PPM1L: variants seen among roughly 807,000 people sequenced by gnomAD.
PPM1L encodes protein phosphatase 1L.
PPM1L carries 13 observed loss-of-function variants against 31.4 expected under a neutral mutation model. The observed-to-expected ratio is 0.41, with a 90% CI of 0.27 to 0.66. The LOEUF (loss-of-function observed/expected upper bound fraction) is 0.66. Among genes scored for constraint, PPM1L ranks in the 30% least tolerant of loss-of-function variants. PPM1L has a pLI of 0.29. For synonymous variants in PPM1L, 184 were observed against 175.4 expected (o/e 1.05, Z -0.39); for missense variants, 326 against 453.7 (o/e 0.72, Z 2.56).
chr3:160,913,079 G>A (rs968165148), intron 1 of PPM1L, among the ~76,000 whole-genome samples: 3 of 152,004 alleles, frequency 2.0e-5, no homozygotes, highest in African/African-American at 7.2e-5. Context: ...CCATGAAGAT[G>A]GTATATGAAT....
At chr3:160,871,171 T>G (rs542931936) in intron 1 of PPM1L, among the ~76,000 whole-genome samples, 3 of 152,338 alleles carry the variant, frequency 2.0e-5, no homozygotes, top group African/African-American at 7.2e-5. Flanking sequence ...GCTGTTGTAC[T>G]CCAAACTATT....
intron 1 of PPM1L, among the ~76,000 whole-genome samples, chr3:160,795,233 C>T (rs1342251017): frequency 6.6e-6 from 1 of 152,148 alleles, no homozygotes; most frequent in Non-Finnish European, 1.5e-5. Context: ...CAAAGTTTGT[C>T]ATTTTTAAAA....
intron 2 of PPM1L, among the ~76,000 whole-genome samples, chr3:160,966,544 C>A (rs545859003): frequency 6.6e-6 from 1 of 152,180 alleles, no homozygotes; most frequent in Admixed American, 6.6e-5. Context: ...TTTGAAAGTA[C>A]CACTCACTAA....
At chr3:161,007,807 G>A (rs560129219) in intron 2 of PPM1L, among the ~76,000 whole-genome samples, 1 of 152,128 alleles carries the variant, frequency 6.6e-6, no homozygotes, top group Non-Finnish European at 1.5e-5. Flanking sequence ...CATTGGGGAT[G>A]CTGAGCAGAG....
chr3:160,983,529 A>T (rs1486559809), intron 2 of PPM1L, among the ~76,000 whole-genome samples: 1 of 152,214 alleles, frequency 6.6e-6, no homozygotes, highest in East Asian at 1.9e-4. Flanking sequence ...CTAATCTGTA[A>T]ATCCCTGACT....
chr3:160,867,388 C>CT (rs1712131121), intron 1 of PPM1L, among the ~76,000 whole-genome samples: 1 of 146,698 alleles, frequency 6.8e-6, no homozygotes, highest in Admixed American at 6.8e-5. Context: ...TATTACTATC[C>CT]TTTTTTCAGA....
At chr3:160,804,900 G>A (rs1171113694) in intron 1 of PPM1L, among the ~76,000 whole-genome samples, 2 of 152,194 alleles carry the variant, frequency 1.3e-5, no homozygotes, top group Non-Finnish European at 2.9e-5. Context: ...TCACATGTAA[G>A]GGATCTGCCT....
chr3:160,878,839 G>C (rs898103474), intron 1 of PPM1L, among the ~76,000 whole-genome samples: 1 of 152,196 alleles, frequency 6.6e-6, no homozygotes, highest in Admixed American at 6.5e-5. Flanking sequence ...TGCACATTCA[G>C]TTTAATAGGA....
intron 2 of PPM1L, among the ~76,000 whole-genome samples, chr3:160,987,469 A>T (rs1717001263): frequency 1.3e-5 from 2 of 152,222 alleles, no homozygotes; most frequent in Admixed American, 6.5e-5. Flanking sequence ...AACTTGATGT[A>T]TCCTTGACTT....
intron 1 of PPM1L, among the ~76,000 whole-genome samples, chr3:160,841,621 A>G (rs1204439639): frequency 6.6e-6 from 1 of 152,168 alleles, no homozygotes; most frequent in Non-Finnish European, 1.5e-5. Flanking sequence ...TCTTCCACAG[A>G]CTGCAGGGTG....
intron 1 of PPM1L, among the ~76,000 whole-genome samples, chr3:160,757,259 A>G (rs1560099062): frequency 6.6e-6 from 1 of 152,058 alleles, no homozygotes; most frequent in African/African-American, 2.4e-5. Flanking sequence ...CTTCTTTCCA[A>G]CTCTATCAAC....
At chr3:160,935,631 G>C (rs1559893463) in intron 1 of PPM1L, among the ~76,000 whole-genome samples, 1 of 152,222 alleles carries the variant, frequency 6.6e-6, no homozygotes, top group Non-Finnish European at 1.5e-5. Flanking sequence ...GACTTGTCCT[G>C]AGGCGAAGCT....
intron 2 of PPM1L, among the ~76,000 whole-genome samples, chr3:161,003,748 A>G (rs1199025025): frequency 1.6e-4 from 24 of 152,110 alleles, no homozygotes; most frequent in Admixed American, 1.2e-3. Flanking sequence ...GGCTGAGACA[A>G]TGGGGTTTTC....
In PPM1L at chr3:160,953,036, G is replaced by C. The variant is rs572094728; in HGVS notation, c.400-8700G>C. ...ACTTTTTATCTTGGCAAAGCACTCT[G>C]TAGACCATCCATAAGGCAAAAATCC... On this transcript the variant is annotated intron_variant, in intron 1 of 3. Transcript: ENST00000498165. 8.2e-4 allele frequency among the ~76,000 whole-genome samples: 125 copies of C among 152,254 alleles called. 1 individual carries two copies. The highest frequency in any genetic ancestry group is 2.8e-3 in the African/African-American group (117 of 41,540).
rs948928689 is a variant in PPM1L at position 161,066,803 on chromosome 3, C to T, written c.736+1239C>T. On this transcript the variant is annotated intron_variant, in intron 3 of 3. Transcript: ENST00000498165. ...CGATCTCTACAGGTCAGCTTCTGCC[C>T]AGTGAATGAACTGAATGAACCTAAT... 2.6e-5 allele frequency among the ~76,000 whole-genome samples: 4 copies of T among 152,126 alleles called. No individual in the cohort carries two copies. In the East Asian group the frequency reaches 7.7e-4, roughly 29 times the overall value.
intron 1 of PPM1L, among the ~76,000 whole-genome samples, chr3:160,787,338 T>C (rs1245126694): frequency 8.5e-5 from 13 of 152,174 alleles, no homozygotes; most frequent in African/African-American, 3.1e-4. Flanking sequence ...TTTTGATTTG[T>C]ATTTCTTTAA....
At chr3:160,830,376 A>G (rs1298438101) in intron 1 of PPM1L, among the ~76,000 whole-genome samples, 2 of 152,144 alleles carry the variant, frequency 1.3e-5, no homozygotes, top group African/African-American at 4.8e-5. Context: ...CATGGTGAAA[A>G]TGTATTAGTA....
At chr3:160,903,942 C>T (rs764493079) in intron 1 of PPM1L, among the ~76,000 whole-genome samples, 24 of 152,222 alleles carry the variant, frequency 1.6e-4, no homozygotes, top group Middle Eastern at 3.4e-3. Flanking sequence ...TTCTGTCCAT[C>T]TCTTCATCCT....
At chr3:160,813,241 A>G (rs184709959) in intron 1 of PPM1L, among the ~76,000 whole-genome samples, 43 of 152,326 alleles carry the variant, frequency 2.8e-4, no homozygotes, top group Non-Finnish European at 4.4e-5. Flanking sequence ...TTTTAATATT[A>G]AAGAAATTAT....
Sources: allele counts gnomAD v4.1 joint callset (sites outside exome capture counted in the v4.1 genomes callset), GRCh38; gene constraint gnomAD v4.1.1; transcripts MANE v1.5; gene names NCBI Gene and HGNC (gene_info 2026-07-23, HGNC 2026-07-21).